The following SLC25A21 variants were observed in gnomAD, a reference collection of about 807,000 sequenced individuals.
The protein encoded by SLC25A21 is solute carrier family 25 member 21.
In SLC25A21, 47 loss-of-function variants were observed where a neutral mutation model predicts 43.8. The observed-to-expected ratio is 1.07, with a 90% confidence interval of 0.85 to 1.37. The LOEUF is 1.37. Among genes scored for constraint, SLC25A21 ranks in the 40% most tolerant of loss-of-function variants. The pLI, the probability that SLC25A21 is intolerant of heterozygous loss-of-function variation, is 0.00. For synonymous variants in SLC25A21, 131 were observed against 121.3 expected, an observed-to-expected ratio of 1.08 and a Z score of -0.52; for missense variants, 352 against 350.2, an observed-to-expected ratio of 1.00 and a Z score of -0.04.
At chr14:37,109,572 T>A (rs1054731873) in intron 1 of SLC25A21, among the ~76,000 whole-genome samples, 5 of 152,204 alleles carry the variant, frequency 3.3e-5, no homozygotes, top group African/African-American at 1.2e-4. Context: ...ATCTTTTTTA[T>A]CTTTACCTGT....
chr14:36,828,765 C>G (rs2138475909), intron 2 of SLC25A21: 1 of 152,572 alleles, frequency 6.6e-6, no homozygotes, highest in South Asian at 2.1e-4. Context: ...GCTCCCTCAT[C>G]ACACTGACTT....
chr14:36,725,579 T>C lies in SLC25A21; in HGVS notation c.429A>G (p.Thr143=). ...VKVGLQANRN[T]FAEQPSTVGY... The stretch of plus-strand genomic sequence containing the variant: ...AACATTAAATGGTTACCTCTGCAAA[T>C]GTGTTCCGATTTGCTTGCAAGCCAA... Residue 143 remains threonine (T), a synonymous_variant, in exon 6 of 10, where the codon ACA becomes ACG. Coordinates refer to ENST00000331299, the MANE Select transcript of SLC25A21 (RefSeq NM_030631.4). The C allele has an allele frequency of 6.4e-7, 1 of 1,574,208 alleles. No homozygotes were observed. The highest frequency in any genetic ancestry group is 8.6e-7 in the Non-Finnish European group (1 of 1,160,698).
intron 1 of SLC25A21, among the ~76,000 whole-genome samples, chr14:36,963,192 T>C (rs1040974727): frequency 4.6e-5 from 7 of 152,078 alleles, no homozygotes; most frequent in Non-Finnish European, 8.8e-5. Flanking sequence ...TATCCCCCCA[T>C]AGTATATTAA....
intron 1 of SLC25A21, among the ~76,000 whole-genome samples, chr14:37,139,146 G>C (rs1179960853): frequency 6.6e-6 from 1 of 152,036 alleles, no homozygotes; most frequent in Non-Finnish European, 1.5e-5. Flanking sequence ...AAGATTTTAA[G>C]GAAAATTTAA....
chr14:36,879,297 T>C (rs925076012), intron 1 of SLC25A21, among the ~76,000 whole-genome samples: 2 of 152,204 alleles, frequency 1.3e-5, no homozygotes, highest in African/African-American at 4.8e-5. Context: ...ATGTTCCATA[T>C]GTTATTTTTA....
chr14:36,949,610 C>T (rs1375484702), intron 1 of SLC25A21, among the ~76,000 whole-genome samples: 1 of 152,200 alleles, frequency 6.6e-6, no homozygotes, highest in African/African-American at 2.4e-5. Context: ...TTTCTACAGT[C>T]AGTTCCCTGT....
intron 1 of SLC25A21, among the ~76,000 whole-genome samples, chr14:37,007,186 A>G (rs1960623577): frequency 6.6e-6 from 1 of 152,234 alleles, no homozygotes; most frequent in African/African-American, 2.4e-5. Flanking sequence ...ACACATTGTT[A>G]TTCCAAGAAT....
At chr14:36,681,656 A>G (rs1882268506) in intron 9 of SLC25A21, among the ~76,000 whole-genome samples, 1 of 139,786 alleles carries the variant, frequency 7.2e-6, no homozygotes, top group South Asian at 2.2e-4. Context: ...ACTTGGCTGC[A>G]TGAAATAGAA....
At chr14:36,923,950 G>T (rs969283256) in intron 1 of SLC25A21, among the ~76,000 whole-genome samples, 1 of 152,154 alleles carries the variant, frequency 6.6e-6, no homozygotes, top group Non-Finnish European at 1.5e-5. Flanking sequence ...GGCCATCAGA[G>T]AAATGCAAAT....
intron 3 of SLC25A21, among the ~76,000 whole-genome samples, chr14:36,765,665 C>T (rs1296974954): frequency 1.3e-5 from 2 of 152,206 alleles, no homozygotes; most frequent in African/African-American, 4.8e-5. Context: ...ACTGTACTGT[C>T]TTGGCATTCC....
chr14:36,921,752 C>T (rs1260024373), intron 1 of SLC25A21, among the ~76,000 whole-genome samples: 1 of 152,150 alleles, frequency 6.6e-6, no homozygotes, highest in Non-Finnish European at 1.5e-5. Context: ...TTAGTTTACA[C>T]AAGTATGCTC....
intron 1 of SLC25A21, among the ~76,000 whole-genome samples, chr14:37,150,424 T>C (rs1963739217): frequency 1.3e-5 from 2 of 152,174 alleles, no homozygotes; most frequent in African/African-American, 4.8e-5. Flanking sequence ...CCCTCTTTCT[T>C]ACTCATATAC....
chr14:37,088,353 T>C (rs1490120632), intron 1 of SLC25A21, among the ~76,000 whole-genome samples: 1 of 152,182 alleles, frequency 6.6e-6, no homozygotes, highest in African/African-American at 2.4e-5. Flanking sequence ...AAAGTAAAGA[T>C]AAGTAATAAG....
At chr14:36,833,138 G>A (rs113438111) in intron 2 of SLC25A21, among the ~76,000 whole-genome samples, 1 of 152,120 alleles carries the variant, frequency 6.6e-6, no homozygotes, top group Non-Finnish European at 1.5e-5. Context: ...GTAATGAGAA[G>A]GGAATTCAAA....
intron 1 of SLC25A21, among the ~76,000 whole-genome samples, chr14:36,968,487 C>A (rs1386569381): frequency 6.6e-6 from 1 of 152,198 alleles, no homozygotes; most frequent in East Asian, 1.9e-4. Flanking sequence ...CTCCATGGAA[C>A]AGGAAGTCTT....
chr14:37,017,725 T>C (rs1009092697), intron 1 of SLC25A21, among the ~76,000 whole-genome samples: 2 of 152,036 alleles, frequency 1.3e-5, no homozygotes, highest in African/African-American at 4.8e-5. Context: ...CTTATTATTA[T>C]TATTATTTTT....
intron 1 of SLC25A21, among the ~76,000 whole-genome samples, chr14:36,923,984 T>A (rs926796118): frequency 6.6e-6 from 1 of 152,156 alleles, no homozygotes; most frequent in East Asian, 1.9e-4. Flanking sequence ...AGATACCATC[T>A]CACACCAGTT....
chr14:37,027,234 G>A (rs143389813), intron 1 of SLC25A21, among the ~76,000 whole-genome samples: 28 of 142,568 alleles, frequency 2.0e-4, no homozygotes, highest in Admixed American at 1.9e-3. Flanking sequence ...TAGGGATAAT[G>A]ACTTGACAGC....
chr14:36,968,655 T>G (rs1959675358), intron 1 of SLC25A21, among the ~76,000 whole-genome samples: 1 of 152,076 alleles, frequency 6.6e-6, no homozygotes, highest in East Asian at 1.9e-4. Context: ...TTTCCAACTG[T>G]TTTGTCTCCT....
Sources: allele counts gnomAD v4.1 joint callset (sites outside exome capture counted in the v4.1 genomes callset), GRCh38; gene constraint gnomAD v4.1.1; transcripts MANE v1.5; gene names NCBI Gene and HGNC (gene_info 2026-07-23, HGNC 2026-07-21).